Variants in FLNB observed in about 807,000 individuals in gnomAD.
FLNB encodes filamin B.
A neutral mutation model predicts 250.6 loss-of-function variants in FLNB; 111 were observed. That is an observed-to-expected ratio of 0.44 (90% CI 0.38 to 0.52). FLNB has a LOEUF of 0.52. FLNB is among the 20% of genes least tolerant of loss of function. FLNB has a pLI of 0.00. For synonymous variants in FLNB, 1,302 were observed against 1,372.1 expected (o/e 0.95, Z 1.13); for missense variants, 2,869 against 3,447.8 (o/e 0.83, Z 4.20).
intron 1 of FLNB, among the ~76,000 whole-genome samples, chr3:58,067,357 G>A (rs989178760): frequency 6.6e-6 from 1 of 152,088 alleles, no homozygotes; most frequent in Non-Finnish European, 1.5e-5. Flanking sequence ...ACACAGTGAT[G>A]GATAAAAATT....
In FLNB at chr3:58,128,270, C is replaced by G. The variant is rs79275220; in HGVS notation, c.4222+1508C>G. Among the ~76,000 whole-genome samples, 1,024 of 152,310 alleles carry G rather than the reference C, an allele frequency of 6.7e-3. 8 individuals are homozygous for G. Among genetic ancestry groups the G allele is most frequent in the African/African-American group, 0.023 (967 of 41,560 alleles). ...ATGTGCACACACACTCACACTCACT[C>G]TCTCTCACACTGATCAGAAAGTATT... On this transcript the variant is annotated intron_variant, in intron 24 of 45. Transcript: ENST00000295956.
intron 18 of FLNB, among the ~76,000 whole-genome samples, chr3:58,116,652 G>A (rs1414944832): frequency 6.6e-6 from 1 of 152,184 alleles, no homozygotes; most frequent in Non-Finnish European, 1.5e-5. Flanking sequence ...GGACTTGTTG[G>A]CTTGGGGCTT....
rs192272412 is a variant in FLNB at position 58,156,119 on chromosome 3, A to G, written c.6888+44A>G. Reference sequence around the variant, plus strand: ...TCCATCTCCTTGGCCGCAGGCCACCAGTGAGACCCCTGGACTCCTGAGGCT... The same window carrying G: ...TCCATCTCCTTGGCCGCAGGCCACCGGTGAGACCCCTGGACTCCTGAGGCT... On this transcript the variant is annotated intron_variant, in intron 41 of 45. Transcript: ENST00000295956. 1,697 of 1,439,502 alleles carry G rather than the reference A, an allele frequency of 1.2e-3. 26 individuals carry two copies. In the Admixed American group the frequency reaches 0.027, roughly 23 times the overall value. 89.2% of individuals were successfully genotyped at this position (1,439,502 alleles called of 1,614,324 possible).
At chr3:58,078,243 C>A in intron 2 of FLNB, 4 of 1,356,980 alleles carry the variant, frequency 2.9e-6, no homozygotes, top group Non-Finnish European at 2.8e-6. Flanking sequence ...CCAATTTAAA[C>A]CTGGGAGTTT....
intron 8 of FLNB, among the ~76,000 whole-genome samples, chr3:58,100,385 T>TATATATATATATATATATATATATA (rs71091344): frequency 2.0e-4 from 26 of 128,092 alleles, no homozygotes; most frequent in South Asian, 4.9e-4. Context: ...TATATATATA[T>TATATATATATATATATATATATATA]TTGCAGGGGC....
intron 4 of FLNB, among the ~76,000 whole-genome samples, chr3:58,088,530 C>A (rs1283006899): frequency 2.8e-4 from 43 of 152,184 alleles, no homozygotes; most frequent in Non-Finnish European, 1.5e-5. Flanking sequence ...AACCAGGGAT[C>A]TTGGGACTCG....
In FLNB at chr3:58,016,245, G is replaced by A. The variant is rs143474404; in HGVS notation, c.292+7389G>A. 8.4e-3 allele frequency among the ~76,000 whole-genome samples: 1,275 copies of A among 152,038 alleles called. 22 individuals carry two copies. The highest frequency in any genetic ancestry group is 0.03 in the African/African-American group (1,225 of 41,494). On this transcript the variant is annotated intron_variant, in intron 1 of 45. Coordinates refer to ENST00000295956, the MANE Select transcript of FLNB (RefSeq NM_001457.4). ...TAATTTTGTATTTTTAGTAGATATG[G>A]TGTTTCACCATGTTGGTCAGGCTGG...
chr3:58,148,240 C>T lies in FLNB; in HGVS notation c.5763C>T (p.Gly1921=). Residue 1921 remains glycine (G), a synonymous_variant, in exon 35 of 46, where the codon GGC becomes GGT. Transcript: ENST00000295956. ...GGCGGTGCTCCCAGGTGAAGTTGGGCTCAGCCGCTGACTTCCTGCTCGACA... is the reference window on the plus strand; with the variant it reads ...GGCGGTGCTCCCAGGTGAAGTTGGGTTCAGCCGCTGACTTCCTGCTCGACA... ...DSRRCSQVKL[G]SAADFLLDIS... is the part of the protein sequence containing the mutation. 6.2e-7 allele frequency: 1 copy of T among 1,614,238 alleles called. No homozygotes were observed. The highest frequency in any genetic ancestry group is 8.5e-7 in the Non-Finnish European group (1 of 1,180,054).
chr3:58,008,514 A>G lies in FLNB; in HGVS notation c.-51A>G, dbSNP rs1439066339. On this transcript the variant is annotated 5_prime_UTR_variant, in exon 1 of 46. Coordinates refer to ENST00000295956, the MANE Select transcript of FLNB (RefSeq NM_001457.4). ...CGCTCCTTCGGCCCTTGGGCCTCCA[A>G]ACACCAGTCCCCGGCAGCTCGTTGC... 1.9e-6 allele frequency: 3 copies of G among 1,551,232 alleles called. No individual in the cohort carries two copies. In the African/African-American group the frequency reaches 4.1e-5, roughly 21 times the overall value.
intron 1 of FLNB, among the ~76,000 whole-genome samples, chr3:58,040,850 G>A (rs905170367): frequency 3.3e-5 from 5 of 152,174 alleles, no homozygotes; most frequent in African/African-American, 7.2e-5. Context: ...TGTGGGAGTT[G>A]AGCTGCATCT....
At chr3:58,096,708 C>T (rs1259185052) in intron 6 of FLNB, among the ~76,000 whole-genome samples, 2 of 152,164 alleles carry the variant, frequency 1.3e-5, no homozygotes, top group Non-Finnish European at 2.9e-5. Context: ...CAGGTTTCAC[C>T]AGGTCACCTA....
At chr3:58,046,371 A>T (rs995557280) in intron 1 of FLNB, among the ~76,000 whole-genome samples, 7 of 152,142 alleles carry the variant, frequency 4.6e-5, no homozygotes, top group Non-Finnish European at 1.0e-4. Context: ...TAACTCACAC[A>T]CCATAAAATT....
chr3:58,120,889 C>T (rs2097287727), intron 19 of FLNB, among the ~76,000 whole-genome samples: 1 of 152,232 alleles, frequency 6.6e-6, no homozygotes, highest in African/African-American at 2.4e-5. Flanking sequence ...CCTCTCTGAG[C>T]ATCAGTTTCC....
rs374726492 is a variant in FLNB at position 58,148,295 on chromosome 3, G to A, written c.5818G>A (p.Ala1940Thr). ...ISETDLSSLT[A>T]SIKAPSGRDE... ...TGAGACTGACCTCAGCAGCCTGACG[G>A]CCAGCATTAAGGCCCCATCTGGCCG... The change falls in exon 35 of 46, where the codon GCC becomes ACC. Residue 1940 changes from alanine to threonine, a missense_variant. Physicochemically the swap from Ala to Thr is moderately conservative, Grantham distance 58 (BLOSUM62 0). Coordinates refer to ENST00000295956, the MANE Select transcript of FLNB (RefSeq NM_001457.4). 6.2e-7 allele frequency: 1 copy of A among 1,614,120 alleles called. No homozygotes were observed. The highest frequency in any genetic ancestry group is 1.1e-5 in the South Asian group (1 of 91,074).
At chr3:58,066,773 C>T (rs900380008) in intron 1 of FLNB, among the ~76,000 whole-genome samples, 1 of 152,238 alleles carries the variant, frequency 6.6e-6, no homozygotes, top group Non-Finnish European at 1.5e-5. Context: ...CTTTTAAATA[C>T]AGTGATTCCT....
chr3:58,067,024 A>G (rs567569109), intron 1 of FLNB, among the ~76,000 whole-genome samples: 2 of 152,358 alleles, frequency 1.3e-5, no homozygotes, highest in Admixed American at 6.5e-5. Context: ...ATGGGCCTAT[A>G]GTAGAAATCT....
At chr3:58,104,986 A>C in intron 10 of FLNB, 94 bp from the exon 11 acceptor site, 1 of 1,539,850 alleles carries the variant, frequency 6.5e-7, no homozygotes, top group South Asian at 1.1e-5. Context: ...GGATCAGGCA[A>C]GTGGAAAGAA....
At chr3:58,078,846 TG>T (rs2097205171) in intron 3 of FLNB, 32 bp downstream of exon 3, 1 of 1,549,456 alleles carries the variant, frequency 6.5e-7, no homozygotes, top group Non-Finnish European at 8.9e-7. Flanking sequence ...CCTGTGAGGC[TG>T]CCCCCACCCA....
At chr3:58,117,211 A>G (rs1261422735) in intron 18 of FLNB, among the ~76,000 whole-genome samples, 1 of 152,168 alleles carries the variant, frequency 6.6e-6, no homozygotes. Context: ...AACACAGTCC[A>G]TTCCTTAGTT....
Sources: allele counts gnomAD v4.1 joint callset (sites outside exome capture counted in the v4.1 genomes callset), GRCh38; gene constraint gnomAD v4.1.1; transcripts MANE v1.5; gene names NCBI Gene and HGNC (gene_info 2026-07-23, HGNC 2026-07-21).